The following KCNQ1 variants were observed in gnomAD, a reference collection of about 807,000 sequenced individuals.
KCNQ1 encodes potassium voltage-gated channel subfamily Q member 1.
A neutral mutation model predicts 72.4 loss-of-function variants in KCNQ1; 49 were observed. The observed-to-expected ratio is 0.68, with a 90% CI of 0.54 to 0.86. KCNQ1 has a LOEUF of 0.86. KCNQ1 is among the 40% of genes least tolerant of loss of function. The pLI is 0.00. For synonymous variants in KCNQ1, 450 were observed against 412.6 expected, an observed-to-expected ratio of 1.09 and a Z score of -1.10; for missense variants, 790 against 945.1, an observed-to-expected ratio of 0.84 and a Z score of 2.15.
At chr11:2,453,970 G>C (rs551150203) in intron 1 of KCNQ1, among the ~76,000 whole-genome samples, 38 of 152,222 alleles carry the variant, frequency 2.5e-4, no homozygotes, top group African/African-American at 8.4e-4. Flanking sequence ...GGGTCTTGCT[G>C]TGTTGGCAAG....
chr11:2,796,627 C>T (rs1020904514), intron 15 of KCNQ1, among the ~76,000 whole-genome samples: 3 of 152,216 alleles, frequency 2.0e-5, no homozygotes, highest in African/African-American at 7.2e-5. Context: ...CCACTCAGCC[C>T]CTCGGGGCCG....
intron 10 of KCNQ1, chr11:2,646,697 G>A (rs1336320051): frequency 2.5e-6 from 1 of 398,384 alleles, no homozygotes; most frequent in East Asian, 3.6e-5. Context: ...GCTCATTTTT[G>A]TACTGATGAG....
At position 2,544,660 on chromosome 11, in the gene KCNQ1, T is replaced by G. The variant is rs184916846; in HGVS notation, c.477+16642T>G. Reference sequence around the variant, plus strand: ...TGAAATTCATTTTGACAAATTTATCTTGAATCTTGCAACCTTTCTAAACTC... The same window carrying G: ...TGAAATTCATTTTGACAAATTTATCGTGAATCTTGCAACCTTTCTAAACTC... On this transcript the variant is annotated intron_variant, in intron 2 of 15. Transcript: ENST00000155840. This position sits in a 1 kb window ranked among gnomAD's most constrained non-coding sequence, Gnocchi z 4.4. Among the ~76,000 whole-genome samples, 1 of 152,370 alleles carries G rather than the reference T, an allele frequency of 6.6e-6. No individual in the cohort carries two copies. The highest frequency in any genetic ancestry group is 2.4e-5 in the African/African-American group (1 of 41,586).
intron 15 of KCNQ1, among the ~76,000 whole-genome samples, chr11:2,800,222 C>G (rs1847231543): frequency 6.6e-6 from 1 of 152,244 alleles, no homozygotes; most frequent in African/African-American, 2.4e-5. Context: ...GGGAATAAAG[C>G]CACTTCCTGC....
intron 10 of KCNQ1, among the ~76,000 whole-genome samples, chr11:2,589,826 G>A (rs957859001): frequency 2.6e-5 from 4 of 152,228 alleles, no homozygotes; most frequent in Non-Finnish European, 4.4e-5. Context: ...CCTCCTGGCT[G>A]CATCAGGAGG....
chr11:2,662,148 T>C, intron 11 of KCNQ1, 67 bp downstream of exon 11: 1 of 1,606,272 alleles, frequency 6.2e-7, no homozygotes, highest in Non-Finnish European at 8.5e-7. Context: ...TCAGACTTGG[T>C]GCTGGGGAAG....
chr11:2,562,267 C>A lies in KCNQ1; in HGVS notation c.478-8361C>A, dbSNP rs567550144. On this transcript the variant is annotated intron_variant, in intron 2 of 15. Transcript: ENST00000155840. This position sits in a 1 kb window ranked among gnomAD's most constrained non-coding sequence, Gnocchi z 7.5. ...ATGAGGGCCCCAGCTGTGCCCAGCA[C>A]GTCACTGGGGGCCCACAAGCTCTCA... is the stretch of plus-strand genomic sequence containing the variant. 1.3e-5 allele frequency among the ~76,000 whole-genome samples: 2 copies of A among 152,134 alleles called. No individual in the cohort carries two copies. Among genetic ancestry groups the A allele is most frequent in the Non-Finnish European group, 2.9e-5 (2 of 68,000 alleles).
chr11:2,816,573 G>A lies in KCNQ1; in HGVS notation c.1795-31194G>A, dbSNP rs1023172186. Among the ~76,000 whole-genome samples the A allele has an allele frequency of 1.5e-4, 23 of 152,294 alleles. No individual in the cohort carries two copies. Among genetic ancestry groups the A allele is most frequent in the African/African-American group, 4.8e-4 (20 of 41,574 alleles). On this transcript the variant is annotated intron_variant, in intron 15 of 15. Transcript: ENST00000155840. This position sits in a 1 kb window ranked among gnomAD's most constrained non-coding sequence, Gnocchi z 6.8. ...AGGGAGCAAACAGCCACCCTGTGGTGAAGCCACACCACATATGATGAGGGG... is the reference window on the plus strand; with the variant it reads ...AGGGAGCAAACAGCCACCCTGTGGTAAAGCCACACCACATATGATGAGGGG...
chr11:2,702,126 G>A (rs1457102011), intron 11 of KCNQ1, among the ~76,000 whole-genome samples: 3 of 152,192 alleles, frequency 2.0e-5, no homozygotes, highest in Non-Finnish European at 4.4e-5. Context: ...CTCCCTGCAT[G>A]TCCATTTCTA....
Position 2,478,320 on chromosome 11 carries a change from A to G in KCNQ1, c.386+32836A>G, listed in dbSNP as rs1157031618. Among the ~76,000 whole-genome samples, 1 of 152,238 alleles carries G rather than the reference A, an allele frequency of 6.6e-6. No individual in the cohort carries two copies. The highest frequency in any genetic ancestry group is 2.4e-5 in the African/African-American group (1 of 41,464). On this transcript the variant is annotated intron_variant, in intron 1 of 15. Transcript: ENST00000155840. The surrounding 1 kb of genome is among the most constrained non-coding windows in gnomAD (Gnocchi z 4.0). ...CTAAGTGGGAGTCTATGATTCCACTATGTTATGTATTAGTCCATTTTCAAA... is the reference window on the plus strand; with the variant it reads ...CTAAGTGGGAGTCTATGATTCCACTGTGTTATGTATTAGTCCATTTTCAAA...
rs1849283519 is a variant in KCNQ1, at chr11:2,627,682, G to GTATATGTATGTATA, written c.1394-34278_1394-34277insATATGTATGTATAT. ...ATTGTGTGTGTGTATATATGTGTGT[G>GTATATGTATGTATA]TGTGTGTCTGTATGTATATGTATGT... On this transcript the variant is annotated intron_variant, in intron 10 of 15. Coordinates refer to ENST00000155840, the MANE Select transcript of KCNQ1 (RefSeq NM_000218.3). The surrounding 1 kb of genome is among the most constrained non-coding windows in gnomAD (Gnocchi z 4.9). 1 of 398,472 alleles carries GTATATGTATGTATA rather than the reference G, an allele frequency of 2.5e-6. No individual in the cohort carries two copies. The highest frequency in any genetic ancestry group is 4.4e-5 in the Admixed American group (1 of 22,722). 24.7% of individuals were successfully genotyped at this position (398,472 alleles called of 1,614,324 possible).
At position 2,698,971 on chromosome 11, in the gene KCNQ1, A is replaced by G; in HGVS notation, c.1514+36890A>G. The stretch of plus-strand genomic sequence containing the variant: ...CTAGGATACCTAACTCAGAACCACA[A>G]CGGGGATTCCCACCTCCGATCCTAA... On this transcript the variant is annotated intron_variant, in intron 11 of 15. Transcript: ENST00000155840. The surrounding 1 kb of genome is among the most constrained non-coding windows in gnomAD (Gnocchi z 5.1). 5.0e-6 allele frequency: 2 copies of G among 398,472 alleles called. No homozygotes were observed. The highest frequency in any genetic ancestry group is 8.8e-6 in the Non-Finnish European group (2 of 226,030). 24.7% of individuals were successfully genotyped at this position (398,472 alleles called of 1,614,324 possible).
rs979402919 is a variant in KCNQ1 at position 2,664,443 on chromosome 11, C to T, written c.1514+2362C>T. ...TGTCAGGGCCTAGGAACCCAGGCTC[C>T]TCTGGGATACAGGCTGGGTAGAGGC... On this transcript the variant is annotated intron_variant, in intron 11 of 15. Coordinates refer to ENST00000155840, the MANE Select transcript of KCNQ1 (RefSeq NM_000218.3). This position sits in a 1 kb window ranked among gnomAD's most constrained non-coding sequence, Gnocchi z 5.1. The T allele has an allele frequency of 2.5e-6, 1 of 398,550 alleles. No individual in the cohort carries two copies. The highest frequency in any genetic ancestry group is 4.4e-6 in the Non-Finnish European group (1 of 226,126). 24.7% of individuals were successfully genotyped at this position (398,550 alleles called of 1,614,324 possible).
intron 3 of KCNQ1, 131 bp from the exon 4 acceptor site, chr11:2,571,194 G>T (rs179490): frequency 2.6e-6 from 2 of 771,798 alleles, no homozygotes; most frequent in Non-Finnish European, 2.3e-6. Context: ...GTGTCTCCAT[G>T]TCCCCGGTCA....
rs1288323936 is a variant in KCNQ1 at position 2,494,701 on chromosome 11, C to T, written c.387-33227C>T. ...CCCAGGGATGAAGCCCACTTGATCACCATGGATAAGCTTTTTGATGTGCTG... is the reference window on the plus strand; with the variant it reads ...CCCAGGGATGAAGCCCACTTGATCATCATGGATAAGCTTTTTGATGTGCTG... On this transcript the variant is annotated intron_variant, in intron 1 of 15. Coordinates refer to ENST00000155840, the MANE Select transcript of KCNQ1 (RefSeq NM_000218.3). This position sits in a 1 kb window ranked among gnomAD's most constrained non-coding sequence, Gnocchi z 4.6. Among the ~76,000 whole-genome samples, 2 of 152,112 alleles carry T rather than the reference C, an allele frequency of 1.3e-5. No homozygotes were observed. Among genetic ancestry groups the T allele is most frequent in the African/African-American group, 4.8e-5 (2 of 41,406 alleles).
chr11:2,687,729 C>G lies in KCNQ1; in HGVS notation c.1514+25648C>G. The G allele has an allele frequency of 2.5e-6, 1 of 398,688 alleles. No homozygotes were observed. The highest frequency in any genetic ancestry group is 4.4e-6 in the Non-Finnish European group (1 of 226,128). 24.7% of individuals were successfully genotyped at this position (398,688 alleles called of 1,614,324 possible). A position where few individuals can be genotyped will look rare whatever the true frequency, so the allele number is the denominator to read the frequency against. On this transcript the variant is annotated intron_variant, in intron 11 of 15. Transcript: ENST00000155840. This position sits in a 1 kb window ranked among gnomAD's most constrained non-coding sequence, Gnocchi z 5.0. ...CTGGGCCCAGATTTCAAGCCAGTAACCAGCAAATCATGGGGAGACTGAGAA... is the reference window on the plus strand; with the variant it reads ...CTGGGCCCAGATTTCAAGCCAGTAAGCAGCAAATCATGGGGAGACTGAGAA...
chr11:2,574,392 C>T (rs1438948753), intron 6 of KCNQ1, among the ~76,000 whole-genome samples: 1 of 143,638 alleles, frequency 7.0e-6, no homozygotes, highest in African/African-American at 2.5e-5. Context: ...GCAACAGGGG[C>T]TGGGGGCTGG....
chr11:2,673,796 G>A lies in KCNQ1; in HGVS notation c.1514+11715G>A, dbSNP rs1209410446. ...TTGGGAAGCTCTGGTGCAAAGGGCA[G>A]TGATGGCCCTTCAATCCCAGGCCCA... On this transcript the variant is annotated intron_variant, in intron 11 of 15. Coordinates refer to ENST00000155840, the MANE Select transcript of KCNQ1 (RefSeq NM_000218.3). The surrounding 1 kb of genome is among the most constrained non-coding windows in gnomAD (Gnocchi z 4.5). The A allele has an allele frequency of 7.5e-6, 3 of 398,626 alleles. No homozygotes were observed. Among genetic ancestry groups the A allele is most frequent in the Non-Finnish European group, 1.3e-5 (3 of 226,160 alleles). The allele number at this position is 398,626 out of a possible 1,614,324, so 24.7% of individuals were successfully genotyped here.
rs1215721495 is a variant in KCNQ1, at chr11:2,477,483, G to A, written c.386+31999G>A. On this transcript the variant is annotated intron_variant, in intron 1 of 15. Coordinates refer to ENST00000155840, the MANE Select transcript of KCNQ1 (RefSeq NM_000218.3). The surrounding 1 kb of genome is among the most constrained non-coding windows in gnomAD (Gnocchi z 5.0). ...GGTGCCCAGGTTAGCTGTGAACAAA[G>A]TGATCTCTCTGCTGCCTCACTAGCA... Among the ~76,000 whole-genome samples, 1 of 152,152 alleles carries A rather than the reference G, an allele frequency of 6.6e-6. No homozygotes were observed. Among genetic ancestry groups the A allele is most frequent in the Non-Finnish European group, 1.5e-5 (1 of 68,010 alleles).
Sources: gnomAD v4.1 joint callset for allele counts (sites outside exome capture counted in the v4.1 genomes callset) on GRCh38, gnomAD v4.1.1 for gene constraint, Gnocchi (gnomAD v3.1) non-coding constraint, MANE v1.5 for transcripts, NCBI Gene and HGNC (gene_info 2026-07-23, HGNC 2026-07-21) for gene names.